The following NR2C1 variants were observed in gnomAD, a reference collection of about 807,000 sequenced individuals.
The protein encoded by NR2C1 is nuclear receptor subfamily 2 group C member 1.
In NR2C1, 33 loss-of-function variants were observed where a neutral mutation model predicts 74.8. The ratio of observed to expected loss-of-function variants is 0.44; its 90% confidence interval spans 0.33 to 0.59. NR2C1 has a LOEUF of 0.59. Ranked by LOEUF, NR2C1 falls within the 20% of genes least tolerant of loss-of-function variation. NR2C1 has a pLI of 0.02. For missense variants in NR2C1, 568 were observed against 715.6 expected (o/e 0.79, Z 2.35); for synonymous variants, 225 against 240.6 (o/e 0.94, Z 0.60).
chr12:95,049,300 G>T (rs1360138613), intron 8 of NR2C1, 67 bp from the exon 9 acceptor site: 12 of 1,488,050 alleles, frequency 8.1e-6, no homozygotes, highest in Non-Finnish European at 1.1e-5. Flanking sequence ...TTCTACATAG[G>T]ATTCTGGAAT....
intron 11 of NR2C1, chr12:95,031,000 G>T: frequency 1.3e-6 from 1 of 785,650 alleles, no homozygotes; most frequent in Non-Finnish European, 2.0e-6. Context: ...CTATAATAAA[G>T]AAAGGTCATT....
intron 1 of NR2C1, among the ~76,000 whole-genome samples, chr12:95,068,443 G>A (rs1169844052): frequency 6.6e-6 from 1 of 152,090 alleles, no homozygotes; most frequent in Non-Finnish European, 1.5e-5. Flanking sequence ...ACCCAATAAG[G>A]AACATGCAAG....
chr12:95,024,262 G>A (rs1246499957), intron 13 of NR2C1, among the ~76,000 whole-genome samples: 1 of 152,136 alleles, frequency 6.6e-6, no homozygotes, highest in Non-Finnish European at 1.5e-5. Context: ...AGCCCTTACT[G>A]TATGACAGGC....
intron 4 of NR2C1, among the ~76,000 whole-genome samples, chr12:95,059,705 T>C (rs1874456835): frequency 6.6e-6 from 1 of 152,196 alleles, no homozygotes; most frequent in Non-Finnish European, 1.5e-5. Context: ...TGAGACTCTA[T>C]ATCACAAACA....
rs1403035222 is a variant in NR2C1, at chr12:95,067,395, C to A, written c.-7-4G>T. The A allele has an allele frequency of 1.2e-6, 2 of 1,603,918 alleles. No homozygotes were observed. Among genetic ancestry groups the A allele is most frequent in the Non-Finnish European group, 1.7e-6 (2 of 1,171,754 alleles). ...TTCTATGGTTGCCATGATCTACCTG[C>A]CAAAAATAAAAAGATGTTTTATAAT... is the stretch of plus-strand genomic sequence containing the variant. On this transcript the variant is annotated splice_region_variant and splice_polypyrimidine_tract_variant and intron_variant, in intron 1 of 13. Coordinates refer to ENST00000333003, the MANE Select transcript of NR2C1 (RefSeq NM_003297.4).
At chr12:95,047,738 A>G (rs560802559) in intron 9 of NR2C1, among the ~76,000 whole-genome samples, 88 of 152,330 alleles carry the variant, frequency 5.8e-4, no homozygotes, top group African/African-American at 1.8e-3. Context: ...GAGTATCCAC[A>G]GCTGAGTGGT....
chr12:95,067,416 ATAAT>A (rs1875880941), intron 1 of NR2C1, 25 bp from the exon 2 acceptor site: 1 of 1,506,754 alleles, frequency 6.6e-7, no homozygotes, highest in South Asian at 1.1e-5. Context: ...AAGATGTTTT[ATAAT>A]TAAACTCACA....
rs542242064 is a variant in NR2C1, at chr12:95,043,522, T to C, written c.1132-2925A>G. Among the ~76,000 whole-genome samples, 290 of 151,772 alleles carry C rather than the reference T, an allele frequency of 1.9e-3. 2 individuals are homozygous for C. Among genetic ancestry groups the C allele is most frequent in the Middle Eastern group, 6.8e-3 (2 of 294 alleles). On this transcript the variant is annotated intron_variant, in intron 9 of 13. Coordinates refer to ENST00000333003, the MANE Select transcript of NR2C1 (RefSeq NM_003297.4). ...TGCCAATGAGGTAAAACCAGGTCTC[T>C]ACTAAAAATACAAAAAATTAGCCGG...
chr12:95,049,308 A>G, intron 8 of NR2C1, 75 bp from the exon 9 acceptor site: 1 of 1,464,182 alleles, frequency 6.8e-7, no homozygotes, highest in Non-Finnish European at 9.3e-7. Flanking sequence ...AGGATTCTGG[A>G]ATTAAGATTT....
intron 9 of NR2C1, among the ~76,000 whole-genome samples, chr12:95,047,677 T>C (rs1872479591): frequency 6.6e-6 from 1 of 152,236 alleles, no homozygotes; most frequent in African/African-American, 2.4e-5. Context: ...CTGCTATATA[T>C]TGCTAAGTGA....
intron 4 of NR2C1, among the ~76,000 whole-genome samples, chr12:95,058,834 GC>G: frequency 6.6e-6 from 1 of 151,738 alleles, no homozygotes; most frequent in East Asian, 1.9e-4. Context: ...TTGCCATTTT[GC>G]CCAGGCTGGT....
intron 10 of NR2C1, among the ~76,000 whole-genome samples, chr12:95,034,272 C>T (rs1006868660): frequency 6.6e-6 from 1 of 152,010 alleles, no homozygotes; most frequent in Admixed American, 6.6e-5. Context: ...TCACTGGCCA[C>T]AAGAAACTGC....
intron 13 of NR2C1, among the ~76,000 whole-genome samples, chr12:95,022,730 G>A (rs1371195859): frequency 1.4e-5 from 2 of 147,960 alleles, no homozygotes; most frequent in East Asian, 2.0e-4. Flanking sequence ...AGAGGGCCTC[G>A]CTCTGCTGCA....
At chr12:95,071,138 CTGCAGTG>C (rs1876533820) in intron 1 of NR2C1, among the ~76,000 whole-genome samples, 1 of 151,080 alleles carries the variant, frequency 6.6e-6, no homozygotes, top group Non-Finnish European at 1.5e-5. Flanking sequence ...GAGGTGGAGG[CTGCAGTG>C]AGCCGAGATC....
intron 2 of NR2C1, among the ~76,000 whole-genome samples, chr12:95,065,219 G>A (rs1266185570): frequency 1.4e-4 from 22 of 151,928 alleles, no homozygotes; most frequent in Admixed American, 1.4e-3. Flanking sequence ...TTTTACTCTT[G>A]TTGCCCAGGC....
intron 5 of NR2C1, 67 bp from the exon 6 acceptor site, chr12:95,057,945 T>C: frequency 1.5e-6 from 2 of 1,361,566 alleles, no homozygotes; most frequent in South Asian, 2.4e-5. Context: ...ATGTAAGCTG[T>C]AGGTAAGCTT....
At chr12:95,071,678 A>G (rs1876638826) in intron 1 of NR2C1, among the ~76,000 whole-genome samples, 1 of 152,188 alleles carries the variant, frequency 6.6e-6, no homozygotes, top group Middle Eastern at 3.2e-3. Context: ...AAACAAAACA[A>G]AAAAACCTTT....
intron 1 of NR2C1, among the ~76,000 whole-genome samples, chr12:95,069,850 T>TA (rs1876324155): frequency 6.8e-6 from 1 of 147,762 alleles, no homozygotes; most frequent in Non-Finnish European, 1.5e-5. Flanking sequence ...TTCTCAACCT[T>TA]ATAAAAAAAA....
rs1282008870 is a variant in NR2C1 at position 95,062,662 on chromosome 12, A to T, written c.131T>A (p.Phe44Tyr). ...ALDHNTQGKQ[F>Y]ILTNHDGSTP... The stretch of plus-strand genomic sequence containing the variant: ...AGAGCCGTCGTGATTTGTCAGAATG[A>T]ACTGCTTGCCTTGGGTATTATGATC... Residue 44 changes from phenylalanine to tyrosine, a missense_variant, in exon 3 of 14, where the codon TTC (phenylalanine) becomes TAC (tyrosine). By Grantham distance (22) the Phe-to-Tyr change is conservative. Transcript: ENST00000333003. 5.0e-6 allele frequency: 8 copies of T among 1,614,036 alleles called. No homozygotes were observed. Among genetic ancestry groups the T allele is most frequent in the Non-Finnish European group, 6.8e-6 (8 of 1,180,030 alleles).
Sources: gnomAD v4.1 joint callset for allele counts (sites outside exome capture counted in the v4.1 genomes callset) on GRCh38, gnomAD v4.1.1 for gene constraint, MANE v1.5 for transcripts, NCBI Gene and HGNC (gene_info 2026-07-23, HGNC 2026-07-21) for gene names.